Variants in SLC1A1 observed in about 807,000 individuals in gnomAD.
SLC1A1 encodes the protein solute carrier family 1 member 1, also known as excitatory amino acid transporter 3.
Under a neutral mutation model 53.3 loss-of-function variants are expected in SLC1A1, and 43 were observed. That is an observed-to-expected ratio of 0.81 (90% CI 0.63 to 1.04). The LOEUF (loss-of-function observed/expected upper bound fraction) is 1.04, where lower values mean the gene tolerates loss of function less well. Ranked by LOEUF, SLC1A1 falls within the 50% of genes least tolerant of loss-of-function variation. SLC1A1 has a pLI of 0.00. For synonymous variants in SLC1A1, 307 were observed against 243.2 expected (o/e 1.26, Z -2.44); for missense variants, 748 against 664.9 (o/e 1.12, Z -1.37).
At chr9:4,501,764 C>CCAGAA (rs1554674436) in intron 1 of SLC1A1, among the ~76,000 whole-genome samples, 1 of 150,852 alleles carries the variant, frequency 6.6e-6, no homozygotes, top group African/African-American at 2.5e-5. Flanking sequence ...AACTCCATCT[C>CCAGAA]CAAAACAAAA....
rs943970609 is a variant in SLC1A1, at chr9:4,573,893, T to C, written c.768-14T>C. 6.4e-7 allele frequency: 1 copy of C among 1,557,022 alleles called. No individual in the cohort carries two copies. The highest frequency in any genetic ancestry group is 1.4e-5 in the African/African-American group (1 of 73,840). ...TGATGACGGAATCACGCCTCTGTTG[T>C]GCTTCCTTTCCAGTTATATGCCACT... is the stretch of plus-strand genomic sequence containing the variant. On this transcript the variant is annotated splice_polypyrimidine_tract_variant and intron_variant, in intron 7 of 11. Transcript: ENST00000262352.
chr9:4,557,036 C>T (rs1052483798), intron 2 of SLC1A1, among the ~76,000 whole-genome samples: 8 of 152,162 alleles, frequency 5.3e-5, no homozygotes, highest in Admixed American at 4.6e-4. Context: ...CCAAACTAAA[C>T]CACCATGTAT....
At chr9:4,506,888 T>C (rs1347100382) in intron 1 of SLC1A1, among the ~76,000 whole-genome samples, 2 of 152,212 alleles carry the variant, frequency 1.3e-5, no homozygotes, top group Non-Finnish European at 2.9e-5. Flanking sequence ...CTGTTTTCCA[T>C]GAGGGCAGTA....
intron 1 of SLC1A1, among the ~76,000 whole-genome samples, chr9:4,501,493 C>T (rs913520750): frequency 3.3e-5 from 5 of 151,556 alleles, no homozygotes; most frequent in African/African-American, 7.3e-5. Context: ...TGGCCAGGTA[C>T]GGTGCTCACG....
chr9:4,573,452 C>G (rs1820249658), intron 7 of SLC1A1, among the ~76,000 whole-genome samples: 1 of 152,180 alleles, frequency 6.6e-6, no homozygotes, highest in Admixed American at 6.5e-5. Context: ...GATAGCTCCA[C>G]AAATAGAGCT....
intron 1 of SLC1A1, among the ~76,000 whole-genome samples, chr9:4,537,818 G>A (rs935763878): frequency 1.5e-4 from 23 of 151,870 alleles, no homozygotes; most frequent in African/African-American, 5.6e-4. Context: ...TTTTGGGGGG[G>A]TAATGGAAAT....
intron 6 of SLC1A1, among the ~76,000 whole-genome samples, chr9:4,571,914 CATA>C (rs201015707): frequency 0.014 from 2,108 of 152,026 alleles, 44 homozygotes; most frequent in African/African-American, 0.048. Flanking sequence ...ATCTAAAATT[CATA>C]ATAAAAATAT....
chr9:4,514,648 TTGGGGC>T (rs945486954), intron 1 of SLC1A1, among the ~76,000 whole-genome samples: 12 of 151,884 alleles, frequency 7.9e-5, no homozygotes, highest in African/African-American at 2.2e-4. Context: ...ATGGTTGGGG[TTGGGGC>T]TGGGGCTAGG....
intron 1 of SLC1A1, among the ~76,000 whole-genome samples, chr9:4,522,767 C>G (rs111835909): frequency 0.034 from 5,250 of 152,234 alleles, 146 homozygotes; most frequent in South Asian, 0.056. Flanking sequence ...CATCAGATCT[C>G]ATGAGAACTC....
intron 10 of SLC1A1, among the ~76,000 whole-genome samples, 186 bp from the exon 11 acceptor site, chr9:4,582,852 T>TC (rs1012807119): frequency 1.3e-5 from 2 of 151,990 alleles, no homozygotes; most frequent in Admixed American, 6.6e-5. Context: ...ATAGTCCCCC[T>TC]CCCCCCACAG....
At chr9:4,522,760 C>A (rs1446800430) in intron 1 of SLC1A1, among the ~76,000 whole-genome samples, 1 of 152,140 alleles carries the variant, frequency 6.6e-6, no homozygotes, top group East Asian at 1.9e-4. Flanking sequence ...ATAAAACCAT[C>A]AGATCTCATG....
chr9:4,526,547 T>G (rs1351810454), intron 1 of SLC1A1, among the ~76,000 whole-genome samples: 1 of 152,206 alleles, frequency 6.6e-6, no homozygotes, highest in African/African-American at 2.4e-5. Context: ...CAATGGACCC[T>G]CAACCATAAT....
chr9:4,585,684 A>G lies in SLC1A1; in HGVS notation c.*126A>G. 1 of 1,228,640 alleles carries G rather than the reference A, an allele frequency of 8.1e-7. No homozygotes were observed. Among genetic ancestry groups the G allele is most frequent in the Non-Finnish European group, 1.2e-6 (1 of 853,030 alleles). The allele number at this position is 1,228,640 out of a possible 1,614,324, so 76.1% of individuals were successfully genotyped here. ...CATTTGATTTGATATACAGACCTCC[A>G]GATTATTTTCTATATTTGGATTCAC... On this transcript the variant is annotated 3_prime_UTR_variant, in exon 12 of 12. Transcript: ENST00000262352.
chr9:4,490,865 T>A, intron 1 of SLC1A1, 95 bp downstream of exon 1: 1 of 1,058,114 alleles, frequency 9.5e-7, no homozygotes, highest in Non-Finnish European at 1.4e-6. Flanking sequence ...GCTGGCGCAC[T>A]CCATGCAGGG....
intron 1 of SLC1A1, among the ~76,000 whole-genome samples, chr9:4,495,829 A>G (rs1054001751): frequency 6.6e-6 from 1 of 152,152 alleles, no homozygotes; most frequent in Non-Finnish European, 1.5e-5. Context: ...GCTTGGCTGG[A>G]TTTGGTCCAA....
rs367746958 is a variant in SLC1A1, at chr9:4,572,401, T to G, written c.767+13T>G. On this transcript the variant is annotated intron_variant, in intron 7 of 11. Coordinates refer to ENST00000262352, the MANE Select transcript of SLC1A1 (RefSeq NM_004170.6). ...AGATCATCATGTGGTGAGCAGACACTGTTTAATGTCATTTTGCTTCCCCTG... is the reference window on the plus strand; with the variant it reads ...AGATCATCATGTGGTGAGCAGACACGGTTTAATGTCATTTTGCTTCCCCTG... The G allele has an allele frequency of 1.2e-6, 2 of 1,609,620 alleles. No homozygotes were observed. The highest frequency in any genetic ancestry group is 1.3e-5 in the African/African-American group (1 of 74,992).
chr9:4,564,500 A>G (rs764854478), intron 4 of SLC1A1, 42 bp downstream of exon 4: 3 of 1,104,224 alleles, frequency 2.7e-6, no homozygotes, highest in East Asian at 2.4e-5. Context: ...GCATGCGGAT[A>G]GCAGCACAAG....
At chr9:4,585,208 A>T in intron 11 of SLC1A1, 104 bp from the exon 12 acceptor site, 1 of 1,484,684 alleles carries the variant, frequency 6.7e-7, no homozygotes, top group Non-Finnish European at 9.4e-7. Flanking sequence ...CACTTTCTGC[A>T]CTTACTGAAA....
chr9:4,525,935 G>A (rs760698767), intron 1 of SLC1A1, among the ~76,000 whole-genome samples: 2 of 152,180 alleles, frequency 1.3e-5, no homozygotes, highest in Non-Finnish European at 2.9e-5. Flanking sequence ...CTAAACAAAA[G>A]TAAAAATACC....
Sources: gnomAD v4.1 joint callset for allele counts (sites outside exome capture counted in the v4.1 genomes callset) on GRCh38, gnomAD v4.1.1 for gene constraint, MANE v1.5 for transcripts, NCBI Gene and HGNC (gene_info 2026-07-23, HGNC 2026-07-21) for gene names.